Variants in MGAT4C observed in about 807,000 individuals in gnomAD.
MGAT4C encodes MGAT4 family member C, also known as alpha-1,3-mannosyl-glycoprotein 4-beta-N-acetylglucosaminyltransferase C.
MGAT4C carries 19 observed loss-of-function variants against 40.1 expected under a neutral mutation model. The observed-to-expected ratio is 0.47, with a 90% CI of 0.33 to 0.70. The LOEUF (loss-of-function observed/expected upper bound fraction) is 0.70, where lower values mean the gene tolerates loss of function less well. Ranked by LOEUF, MGAT4C falls within the 30% of genes least tolerant of loss-of-function variation. The pLI is 0.02. For synonymous variants in MGAT4C, 181 were observed against 187.1 expected (o/e 0.97, Z 0.27); for missense variants, 491 against 563.2 (o/e 0.87, Z 1.30).
At chr12:86,401,129 G>A (rs1185254358) in intron 3 of MGAT4C, among the ~76,000 whole-genome samples, 1 of 151,648 alleles carries the variant, frequency 6.6e-6, no homozygotes, top group Non-Finnish European at 1.5e-5. Flanking sequence ...TGTTTACATA[G>A]GTAACTTAAA....
At chr12:86,369,606 T>G (rs753180346) in intron 3 of MGAT4C, among the ~76,000 whole-genome samples, 2 of 152,052 alleles carry the variant, frequency 1.3e-5, no homozygotes, top group Non-Finnish European at 2.9e-5. Flanking sequence ...AATTCTGCAC[T>G]TTTACTTTCT....
chr12:86,683,157 T>C (rs1016245699), intron 2 of MGAT4C, among the ~76,000 whole-genome samples: 1 of 152,006 alleles, frequency 6.6e-6, no homozygotes, highest in Admixed American at 6.6e-5. Flanking sequence ...GAAATTGACA[T>C]AAAATACCTC....
chr12:86,477,008 C>T (rs1180345207), intron 2 of MGAT4C, among the ~76,000 whole-genome samples: 1 of 151,848 alleles, frequency 6.6e-6, no homozygotes, highest in Admixed American at 6.6e-5. Context: ...TGGAACCATC[C>T]ATATCACAAA....
Position 85,979,743 on chromosome 12 carries a change from T to C in MGAT4C, c.983A>G (p.Asp328Gly), listed in dbSNP as rs1208099934. 2.5e-6 allele frequency: 4 copies of C among 1,613,566 alleles called. No homozygotes were observed. Among genetic ancestry groups the C allele is most frequent in the South Asian group, 2.2e-5 (2 of 91,076 alleles). The change falls in exon 5 of 5, where the codon GAT becomes GGT. Residue 328 changes from aspartate (D) to glycine (G), a missense_variant. By Grantham distance (94) the Asp-to-Gly change is moderately conservative. Transcript: ENST00000611864. Reference sequence around the variant, plus strand: ...GTCAAATGACTCCTCTTCAAAATCATCATCCTTCAGCTTATTCTCCGTCCC... The same window carrying C: ...GTCAAATGACTCCTCTTCAAAATCACCATCCTTCAGCTTATTCTCCGTCCC... ...YKGTENKLKD[D>G]DFEEESFDIP... is the part of the protein sequence containing the mutation.
At chr12:86,592,001 C>A (rs1275168623) in intron 2 of MGAT4C, among the ~76,000 whole-genome samples, 1 of 151,928 alleles carries the variant, frequency 6.6e-6, no homozygotes, top group Non-Finnish European at 1.5e-5. Flanking sequence ...TTATTTAAGT[C>A]TTTCATTAAA....
rs572230517 is a variant in MGAT4C, at chr12:86,698,375, A to ATG, written c.-229+28832_-229+28833dup. Among the ~76,000 whole-genome samples, 33 of 150,642 alleles carry ATG rather than the reference A, an allele frequency of 2.2e-4. No individual in the cohort carries two copies. The South Asian group carries it at 2.3e-3, about 10-fold the overall frequency. On this transcript the variant is annotated intron_variant, in intron 2 of 7. Transcript: ENST00000548651. ...TGTATGTGTGTTTGTGTGTGTGTCTATGTGTGTGTGTGTGTATGCATGTGT... is the reference window on the plus strand; with the variant it reads ...TGTATGTGTGTTTGTGTGTGTGTCTATGTGTGTGTGTGTGTGTATGCATGTGT...
chr12:86,830,896 T>G (rs1162623945), intron 1 of MGAT4C, among the ~76,000 whole-genome samples: 1 of 151,840 alleles, frequency 6.6e-6, no homozygotes, highest in Non-Finnish European at 1.5e-5. Flanking sequence ...TCATGGCCTA[T>G]GTGGGCATTT....
intron 1 of MGAT4C, among the ~76,000 whole-genome samples, chr12:86,738,085 A>C (rs1000260756): frequency 2.0e-5 from 3 of 151,462 alleles, no homozygotes; most frequent in Non-Finnish European, 3.0e-5. Context: ...AAACTTACTT[A>C]TAATCTGACT....
At chr12:86,116,526 T>G (rs2135666244) in intron 1 of MGAT4C, among the ~76,000 whole-genome samples, 1 of 152,178 alleles carries the variant, frequency 6.6e-6, no homozygotes, top group Admixed American at 6.6e-5. Flanking sequence ...CCTCAGTTCT[T>G]AAATTGGAAA....
At chr12:86,267,273 C>T (rs1033795443) in intron 4 of MGAT4C, among the ~76,000 whole-genome samples, 14 of 152,098 alleles carry the variant, frequency 9.2e-5, no homozygotes, top group African/African-American at 3.4e-4. Flanking sequence ...CTGTATCTCA[C>T]AGATTTTGGT....
At chr12:86,836,263 T>C (rs1003415792) in intron 1 of MGAT4C, among the ~76,000 whole-genome samples, 1 of 152,024 alleles carries the variant, frequency 6.6e-6, no homozygotes, top group African/African-American at 2.4e-5. Flanking sequence ...ATTCAAGTCA[T>C]TGACTGAATA....
At chr12:86,142,732 T>C (rs1463733409) in intron 1 of MGAT4C, among the ~76,000 whole-genome samples, 4 of 151,234 alleles carry the variant, frequency 2.6e-5, no homozygotes, top group Admixed American at 2.0e-4. Flanking sequence ...GTTTTTTTTG[T>C]GGAGGGTTGG....
At chr12:86,789,752 C>T (rs1162714860) in intron 1 of MGAT4C, among the ~76,000 whole-genome samples, 2 of 152,068 alleles carry the variant, frequency 1.3e-5, no homozygotes, top group African/African-American at 4.8e-5. Flanking sequence ...AGATGATAAA[C>T]ATAATGAGAG....
intron 2 of MGAT4C, among the ~76,000 whole-genome samples, chr12:86,491,670 C>A (rs1958138159): frequency 6.6e-6 from 1 of 151,598 alleles, no homozygotes; most frequent in Non-Finnish European, 1.5e-5. Context: ...CTATCTATGA[C>A]AAACCCACAG....
intron 2 of MGAT4C, among the ~76,000 whole-genome samples, chr12:86,685,822 G>A (rs190292162): frequency 6.6e-6 from 1 of 151,062 alleles, no homozygotes; most frequent in Admixed American, 6.6e-5. Flanking sequence ...TCATTATTTG[G>A]CTCTCTGTTT....
At chr12:86,016,947 C>T (rs956122392) in intron 2 of MGAT4C, among the ~76,000 whole-genome samples, 7 of 123,246 alleles carry the variant, frequency 5.7e-5, no homozygotes, top group African/African-American at 1.8e-4. Flanking sequence ...AAAATGTTAC[C>T]GTATTACTGA....
At chr12:86,531,697 ATTATT>A (rs893309942) in intron 2 of MGAT4C, among the ~76,000 whole-genome samples, 48 of 151,986 alleles carry the variant, frequency 3.2e-4, no homozygotes, top group African/African-American at 1.1e-3. Context: ...ATTTTATTTT[ATTATT>A]TTATTTCATG....
intron 2 of MGAT4C, among the ~76,000 whole-genome samples, chr12:86,663,383 TAAAG>T (rs374395219): frequency 6.7e-4 from 71 of 106,292 alleles, no homozygotes; most frequent in South Asian, 4.8e-3. Flanking sequence ...AAAGAGGAAA[TAAAG>T]AAAGAAACCA....
chr12:86,266,237 C>T (rs1405786364), intron 4 of MGAT4C, among the ~76,000 whole-genome samples: 1 of 152,124 alleles, frequency 6.6e-6, no homozygotes, highest in Non-Finnish European at 1.5e-5. Context: ...GAAGTGCTTT[C>T]AACTTTTCCT....
Sources: gnomAD v4.1 joint callset for allele counts (sites outside exome capture counted in the v4.1 genomes callset) on GRCh38, gnomAD v4.1.1 for gene constraint, MANE v1.5 for transcripts, NCBI Gene and HGNC (gene_info 2026-07-23, HGNC 2026-07-21) for gene names.